The following TBRG4 variants were observed in gnomAD, a reference collection of about 807,000 sequenced individuals.
TBRG4 encodes transforming growth factor beta regulator 4.
Under a neutral mutation model 65.6 loss-of-function variants are expected in TBRG4, and 43 were observed. That is an observed-to-expected ratio of 0.66 (90% CI 0.51 to 0.85). The LOEUF (loss-of-function observed/expected upper bound fraction) is 0.85. Among genes scored for constraint, TBRG4 ranks in the 40% least tolerant of loss-of-function variants. The pLI is 0.00. For missense variants in TBRG4, 709 were observed against 787.9 expected (o/e 0.90, Z 1.20); for synonymous variants, 366 against 341.4 (o/e 1.07, Z -0.79).
At position 45,105,906 on chromosome 7, in the gene TBRG4, T is replaced by C. The variant is rs957595222; in HGVS notation, c.412-142A>G. ...ACAGTATCAGTTCCCCACTCCATTG[T>C]AACAGGGCCCCAGTGCCTGGCTGCT... On this transcript the variant is annotated intron_variant, in intron 2 of 10. Transcript: ENST00000258770. The C allele has an allele frequency of 4.6e-6, 5 of 1,086,542 alleles. No homozygotes were observed. The African/African-American group carries it at 7.7e-5, about 17-fold the overall frequency. 67.3% of individuals were successfully genotyped at this position (1,086,542 alleles called of 1,614,324 possible).
At chr7:45,101,757 GT>G in intron 8 of TBRG4, 67 bp downstream of exon 8, 1 of 1,598,360 alleles carries the variant, frequency 6.3e-7, no homozygotes, top group Non-Finnish European at 8.5e-7. Flanking sequence ...TGCAGACGGG[GT>G]GGGTTAGAAG....
intron 4 of TBRG4, 82 bp from the exon 5 acceptor site, chr7:45,104,338 G>T (rs956970848): frequency 3.7e-6 from 6 of 1,603,308 alleles, no homozygotes; most frequent in Non-Finnish European, 5.1e-6. Flanking sequence ...CAGCCTCGAG[G>T]TCTAGATATT....
chr7:45,103,698 A>C (rs1784843451), intron 5 of TBRG4: 1 of 546,268 alleles, frequency 1.8e-6, no homozygotes, highest in Non-Finnish European at 3.3e-6. Context: ...ATTTAGAAAT[A>C]TTCTCCAACC....
chr7:45,102,094 G>A (rs1371614213), intron 7 of TBRG4, 24 bp from the exon 8 acceptor site: 9 of 1,564,166 alleles, frequency 5.8e-6, no homozygotes, highest in East Asian at 4.5e-5. Flanking sequence ...AGAAAGAAGA[G>A]GGAGGTGGGC....
chr7:45,107,086 C>T (rs569694086), intron 2 of TBRG4: 3 of 152,214 alleles, frequency 2.0e-5, no homozygotes, highest in East Asian at 3.9e-4. Flanking sequence ...AAAAGACCCC[C>T]GGTATCACTA....
intron 1 of TBRG4, chr7:45,110,949 C>T (rs1374338763): frequency 2.0e-5 from 3 of 152,060 alleles, no homozygotes; most frequent in Non-Finnish European, 4.4e-5. Context: ...TCTACCACTT[C>T]CTGAGCCTAA....
intron 6 of TBRG4, 114 bp downstream of exon 6, chr7:45,103,219 C>A: frequency 2.5e-6 from 2 of 803,652 alleles, no homozygotes; most frequent in African/African-American, 1.7e-5. Context: ...CCATGCCACA[C>A]ATAGTGGCCC....
At chr7:45,101,155 G>A (rs1394110168) in intron 10 of TBRG4, 103 bp downstream of exon 10, 2 of 1,137,602 alleles carry the variant, frequency 1.8e-6, no homozygotes, top group Non-Finnish European at 2.5e-6. Context: ...GCCACGGGCA[G>A]GGCATGTGTC....
chr7:45,102,013 G>A lies in TBRG4; in HGVS notation c.1379C>T (p.Thr460Ile). 1 of 1,568,488 alleles carries A rather than the reference G, an allele frequency of 6.4e-7. No homozygotes were observed. The highest frequency in any genetic ancestry group is 8.6e-7 in the Non-Finnish European group (1 of 1,161,450). Residue 460 changes from threonine (T) to isoleucine (I), a missense_variant, in exon 8 of 11, where the codon ACT becomes ATT. Thr to Ile is a moderately conservative substitution (Grantham distance 89). Coordinates refer to ENST00000258770, the MANE Select transcript of TBRG4 (RefSeq NM_004749.4). The part of the protein sequence containing the change: ...TFQKLLHINA[T>I]ALLEYPEYSG... ...GTACTCGGGGTACTCCAGCAGGGCA[G>A]TGGCGTTGATGTGGAGCAGCTTCTG...
At chr7:45,104,358 T>C in intron 4 of TBRG4, 102 bp from the exon 5 acceptor site, 10 of 1,586,900 alleles carry the variant, frequency 6.3e-6, no homozygotes, top group Non-Finnish European at 8.6e-6. Flanking sequence ...TTGATGTCTG[T>C]AACCAAATTT....
rs1214359295 is a variant in TBRG4 at position 45,109,167 on chromosome 7, G to C, written c.71C>G (p.Ala24Gly). The C allele has an allele frequency of 6.2e-7, 1 of 1,614,056 alleles. No individual in the cohort carries two copies. The highest frequency in any genetic ancestry group is 1.3e-5 in the African/African-American group (1 of 75,064). Reference protein sequence around the residue: ...REAARQAPAMAPVGRLRLAWV... With the variant: ...REAARQAPAMGPVGRLRLAWV... ...GGCAAGTCTCAGTCGGCCAACTGGA[G>C]CCATGGCAGGGGCCTGACGAGCAGC... The change falls in exon 2 of 11, where the codon GCT becomes GGT. Residue 24 changes from alanine (A) to glycine (G), a missense_variant. By Grantham distance (60) the Ala-to-Gly change is moderately conservative (BLOSUM62 0). Coordinates refer to ENST00000258770, the MANE Select transcript of TBRG4 (RefSeq NM_004749.4).
chr7:45,100,965 G>C (rs529933232), intron 10 of TBRG4, among the ~76,000 whole-genome samples: 1 of 152,372 alleles, frequency 6.6e-6, no homozygotes, highest in Admixed American at 6.5e-5. Context: ...AGCCTCTTGG[G>C]CTTCAAGCTG....
intron 10 of TBRG4, among the ~76,000 whole-genome samples, chr7:45,100,996 A>G (rs891007720): frequency 3.3e-5 from 5 of 152,230 alleles, no homozygotes; most frequent in Admixed American, 6.5e-5. Flanking sequence ...AATGGGCCCT[A>G]CCCTGCCCAC....
At chr7:45,101,800 T>C in intron 8 of TBRG4, 25 bp downstream of exon 8, 2 of 1,601,750 alleles carry the variant, frequency 1.2e-6, no homozygotes, top group Non-Finnish European at 1.7e-6. Context: ...TGCCAGGCCC[T>C]GTGCCAACCA....
At chr7:45,104,502 C>G (rs1197503774) in intron 4 of TBRG4, 36 bp downstream of exon 4, 1 of 1,613,428 alleles carries the variant, frequency 6.2e-7, no homozygotes, top group Non-Finnish European at 8.5e-7. Context: ...AGGGCCAGCG[C>G]TCCCCTCTCT....
At chr7:45,105,898 C>G (rs1467975020) in intron 2 of TBRG4, 134 bp from the exon 3 acceptor site, 26 of 1,139,190 alleles carry the variant, frequency 2.3e-5, no homozygotes, top group Non-Finnish European at 3.3e-5. Flanking sequence ...CAGTTCCCCA[C>G]TCCATTGTAA....
Position 45,109,363 on chromosome 7 carries a change from C to A in TBRG4, c.-50-76G>T, listed in dbSNP as rs1785059171. ...TCACAAACTTGAGAAATGAAATAGT[C>A]AAAGCCACTCTATCTGTAAAATCAG... On this transcript the variant is annotated intron_variant, in intron 1 of 10. Transcript: ENST00000258770. 30 of 1,169,806 alleles carry A rather than the reference C, an allele frequency of 2.6e-5. No individual in the cohort carries two copies. In the South Asian group the frequency reaches 4.1e-4, roughly 16 times the overall value. The allele number at this position is 1,169,806 out of a possible 1,614,324, so 72.5% of individuals were successfully genotyped here.
chr7:45,110,026 A>G (rs1785081822), intron 1 of TBRG4, among the ~76,000 whole-genome samples: 1 of 151,980 alleles, frequency 6.6e-6, no homozygotes, highest in African/African-American at 2.4e-5. Flanking sequence ...ATATATTTTA[A>G]CACTGTAGAC....
At position 45,103,454 on chromosome 7, in the gene TBRG4, C is replaced by G. The variant is rs1201410453; in HGVS notation, c.1066-11G>C. On this transcript the variant is annotated splice_polypyrimidine_tract_variant and intron_variant, in intron 5 of 10. Coordinates refer to ENST00000258770, the MANE Select transcript of TBRG4 (RefSeq NM_004749.4). ...TCTGTTCAGGACGTGCTGGGTGGGT[C>G]AGAAATAGCAGAGGGACAGAATAAG... 3.1e-6 allele frequency: 5 copies of G among 1,600,146 alleles called. No homozygotes were observed. Among genetic ancestry groups the G allele is most frequent in the African/African-American group, 1.4e-5 (1 of 74,014 alleles).
Sources: allele counts gnomAD v4.1 joint callset (sites outside exome capture counted in the v4.1 genomes callset), GRCh38; gene constraint gnomAD v4.1.1; transcripts MANE v1.5; gene names NCBI Gene and HGNC (gene_info 2026-07-23, HGNC 2026-07-21).